ANP32A: variants seen among roughly 807,000 people sequenced by gnomAD.
ANP32A encodes the protein acidic nuclear phosphoprotein 32 family member A, also known as acidic leucine-rich nuclear phosphoprotein 32 family member A.
In ANP32A, 1 loss-of-function variant was observed where a neutral mutation model predicts 33.9. That is an observed-to-expected ratio of 0.03 (90% CI 0.01 to 0.14). ANP32A has a LOEUF of 0.14. ANP32A is among the 10% of genes least tolerant of loss of function. The pLI, the probability that ANP32A is intolerant of heterozygous loss-of-function variation, is 1.00. For missense variants in ANP32A, 155 were observed against 306.0 expected (o/e 0.51, Z 3.68); for synonymous variants, 115 against 120.5 (o/e 0.95, Z 0.30).
chr15:68,793,684 C>T (rs1052816175), intron 1 of ANP32A, among the ~76,000 whole-genome samples: 1 of 152,104 alleles, frequency 6.6e-6, no homozygotes, highest in African/African-American at 2.4e-5. Context: ...ATGAGGGGGA[C>T]CCAGAAGGAC....
At position 68,784,739 on chromosome 15, in the gene ANP32A, G is replaced by A. The variant is rs1893911537; in HGVS notation, c.328-144C>T. On this transcript the variant is annotated intron_variant, in intron 3 of 6. Transcript: ENST00000465139. ...GATAAGGAAGCTTGGATTTGGCTCT[G>A]CTTAGCCACAGTGTTTGCCCAGACA... The A allele has an allele frequency of 1.1e-5, 11 of 966,160 alleles. No individual in the cohort carries two copies. In the South Asian group the frequency reaches 1.7e-4, roughly 15 times the overall value. 59.8% of individuals were successfully genotyped at this position (966,160 alleles called of 1,614,324 possible). A position where few individuals can be genotyped will look rare whatever the true frequency, so the allele number is the denominator to read the frequency against.
intron 1 of ANP32A, among the ~76,000 whole-genome samples, chr15:68,798,649 T>C (rs1894092360): frequency 6.6e-6 from 1 of 152,162 alleles, no homozygotes; most frequent in South Asian, 2.1e-4. Flanking sequence ...TCCATCCTCC[T>C]TGAAGCAAGA....
At position 68,781,997 on chromosome 15, in the gene ANP32A, C is replaced by A. The variant is rs138241699; in HGVS notation, c.624+959G>T. 4.0e-3 allele frequency among the ~76,000 whole-genome samples: 603 copies of A among 152,266 alleles called. 2 individuals are homozygous for A. The highest frequency in any genetic ancestry group is 0.013 in the African/African-American group (546 of 41,542). On this transcript the variant is annotated intron_variant, in intron 5 of 6. Coordinates refer to ENST00000465139, the MANE Select transcript of ANP32A (RefSeq NM_006305.4). ...TATCTGAGTGAGTCCGTGTGGCAAG[C>A]GGATGTGTCTGCATCCTCCATTGAG...
chr15:68,786,789 C>T (rs1359920452), intron 3 of ANP32A, among the ~76,000 whole-genome samples: 1 of 152,144 alleles, frequency 6.6e-6, no homozygotes, highest in African/African-American at 2.4e-5. Flanking sequence ...TCTATCTCTA[C>T]AAGGATGAGC....
intron 1 of ANP32A, among the ~76,000 whole-genome samples, chr15:68,796,735 T>C (rs1206128098): frequency 6.6e-6 from 1 of 152,208 alleles, no homozygotes; most frequent in Admixed American, 6.5e-5. Context: ...ACCTGGGCTT[T>C]GGTCCGCCTT....
chr15:68,800,763 A>AAAAAG (rs1567037332), intron 1 of ANP32A, among the ~76,000 whole-genome samples: 3 of 150,516 alleles, frequency 2.0e-5, no homozygotes, highest in Non-Finnish European at 1.5e-5. Flanking sequence ...AAAAAGAAAG[A>AAAAAG]AAAGAAAAGG....
At chr15:68,805,332 G>A (rs1230789922) in intron 1 of ANP32A, among the ~76,000 whole-genome samples, 1 of 152,238 alleles carries the variant, frequency 6.6e-6, no homozygotes, top group Admixed American at 6.5e-5. Context: ...GCTCCAGGCA[G>A]TCAGCCGTTG....
chr15:68,812,626 G>C (rs1370149569), intron 1 of ANP32A, among the ~76,000 whole-genome samples: 2 of 152,182 alleles, frequency 1.3e-5, no homozygotes, highest in African/African-American at 4.8e-5. Flanking sequence ...TACAAGTATT[G>C]AGTATAAAGA....
At chr15:68,815,941 T>G (rs1894374417) in intron 1 of ANP32A, among the ~76,000 whole-genome samples, 1 of 152,212 alleles carries the variant, frequency 6.6e-6, no homozygotes, top group Admixed American at 6.5e-5. Context: ...GTTGAGTTTT[T>G]TTGGCTGCAG....
chr15:68,780,202 C>T lies in ANP32A; in HGVS notation c.689-60G>A. 6.2e-7 allele frequency: 1 copy of T among 1,602,854 alleles called. No individual in the cohort carries two copies. The highest frequency in any genetic ancestry group is 1.1e-5 in the South Asian group (1 of 90,322). On this transcript the variant is annotated intron_variant, in intron 6 of 6. Transcript: ENST00000465139. This position sits in a 1 kb window ranked among gnomAD's most constrained non-coding sequence, Gnocchi z 4.3. ...ATTAATCCCACCTCTTTAACTCAAC[C>T]CACCCAGTGAGAAGTCAGGGGACCC...
intron 4 of ANP32A, among the ~76,000 whole-genome samples, chr15:68,783,604 T>C (rs373509611): frequency 6.6e-6 from 1 of 152,172 alleles, no homozygotes. Flanking sequence ...AAATCCTGTA[T>C]CTGAATTAAT....
At chr15:68,799,647 G>A (rs1176657043) in intron 1 of ANP32A, among the ~76,000 whole-genome samples, 1 of 152,208 alleles carries the variant, frequency 6.6e-6, no homozygotes, top group Non-Finnish European at 1.5e-5. Flanking sequence ...ATCGAAGGCT[G>A]TGCTGATAGG....
At chr15:68,818,323 T>G (rs1346861541) in intron 1 of ANP32A, 1 of 221,186 alleles carries the variant, frequency 4.5e-6, no homozygotes. Flanking sequence ...CGAAGGTGGG[T>G]GTGTGGGGGG....
chr15:68,816,824 G>C (rs941022158), intron 1 of ANP32A, among the ~76,000 whole-genome samples: 3 of 152,150 alleles, frequency 2.0e-5, no homozygotes, highest in African/African-American at 7.2e-5. Context: ...GAGCCCCTCA[G>C]ACTCGAAACT....
Position 68,778,670 on chromosome 15 carries a change from GT to G in ANP32A, c.*1410del, listed in dbSNP as rs1279664254. ...GCCCAACTTGATTGTTTGGGTACTTGTTTTTTTAGTAACTCTGTAACTTTTT... is the reference window on the plus strand; with the variant it reads ...GCCCAACTTGATTGTTTGGGTACTTGTTTTTTAGTAACTCTGTAACTTTTT... On this transcript the variant is annotated 3_prime_UTR_variant, in exon 7 of 7. Transcript: ENST00000465139. 1 of 152,064 alleles carries G rather than the reference GT, an allele frequency of 6.6e-6. No individual in the cohort carries two copies. The highest frequency in any genetic ancestry group is 6.6e-5 in the Admixed American group (1 of 15,264). 9.4% of individuals were successfully genotyped at this position (152,064 alleles called of 1,614,324 possible).
At chr15:68,800,915 C>A (rs1263469495) in intron 1 of ANP32A, among the ~76,000 whole-genome samples, 2 of 151,812 alleles carry the variant, frequency 1.3e-5, no homozygotes, top group African/African-American at 4.8e-5. Flanking sequence ...AAAGCCAGGG[C>A]AAAGATCCTG....
rs575576322 is a variant in ANP32A at position 68,779,205 on chromosome 15, C to T, written c.*876G>A. The T allele has an allele frequency of 3.3e-5, 5 of 152,070 alleles. No homozygotes were observed. The East Asian group carries it at 7.7e-4, about 23-fold the overall frequency. The allele number at this position is 152,070 out of a possible 1,614,324, so 9.4% of individuals were successfully genotyped here. ...AAAAAACCCAGCCGACATGCAGCAA[C>T]GTCTCCAGCGCTTAGGTCCGTAAAA... On this transcript the variant is annotated 3_prime_UTR_variant, in exon 7 of 7. Coordinates refer to ENST00000465139, the MANE Select transcript of ANP32A (RefSeq NM_006305.4).
intron 1 of ANP32A, among the ~76,000 whole-genome samples, chr15:68,818,529 G>C (rs1894421974): frequency 6.6e-6 from 1 of 152,036 alleles, no homozygotes; most frequent in African/African-American, 2.4e-5. Flanking sequence ...CCTCCAGGCA[G>C]GGGGCAGGCG....
intron 1 of ANP32A, among the ~76,000 whole-genome samples, chr15:68,816,131 T>C (rs916823579): frequency 2.6e-5 from 4 of 152,156 alleles, no homozygotes; most frequent in Admixed American, 6.5e-5. Flanking sequence ...GGCCCTCTAA[T>C]ATCTCCAACC....
Sources: gnomAD v4.1 joint callset for allele counts (sites outside exome capture counted in the v4.1 genomes callset) on GRCh38, gnomAD v4.1.1 for gene constraint, Gnocchi (gnomAD v3.1) non-coding constraint, MANE v1.5 for transcripts, NCBI Gene and HGNC (gene_info 2026-07-23, HGNC 2026-07-21) for gene names.